Variants in CAPRIN1 observed in about 807,000 individuals in gnomAD.
CAPRIN1 encodes the protein caprin-1.
CAPRIN1 carries 29 observed loss-of-function variants against 100.9 expected under a neutral mutation model. The ratio of observed to expected loss-of-function variants is 0.29; its 90% CI spans 0.21 to 0.39. The LOEUF is 0.39. CAPRIN1 is among the 10% of genes least tolerant of loss of function. The pLI, the probability that CAPRIN1 is intolerant of heterozygous loss-of-function variation, is 1.00. For missense variants in CAPRIN1, 795 were observed against 876.7 expected (o/e 0.91, Z 1.18); for synonymous variants, 338 against 307.5 (o/e 1.10, Z -1.04).
intron 12 of CAPRIN1, 56 bp downstream of exon 12, chr11:34,089,512 A>G: frequency 1.0e-6 from 1 of 960,678 alleles, no homozygotes; most frequent in Non-Finnish European, 1.6e-6. Flanking sequence ...CGTACCTATA[A>G]TCCTAGTACT....
At chr11:34,094,380 C>T (rs1028445461) in intron 15 of CAPRIN1, among the ~76,000 whole-genome samples, 4 of 152,062 alleles carry the variant, frequency 2.6e-5, no homozygotes, top group African/African-American at 7.2e-5. Flanking sequence ...GAAATCATTT[C>T]AGTATGTCCC....
intron 2 of CAPRIN1, chr11:34,055,906 A>G (rs927282781): frequency 2.6e-5 from 4 of 152,194 alleles, no homozygotes; most frequent in Non-Finnish European, 5.9e-5. Flanking sequence ...TATTAAAACT[A>G]TATCTTTTGC....
Position 34,102,128 on chromosome 11 carries a change from C to T in CAPRIN1, c.*2761C>T, listed in dbSNP as rs1300594572. Among the ~76,000 whole-genome samples the T allele has an allele frequency of 6.6e-6, 1 of 152,000 alleles. No individual in the cohort carries two copies. The highest frequency in any genetic ancestry group is 2.4e-5 in the African/African-American group (1 of 41,380). On this transcript the variant is annotated 3_prime_UTR_variant, in exon 19 of 19. Coordinates refer to ENST00000341394, the MANE Select transcript of CAPRIN1 (RefSeq NM_005898.5). ...TTAGCTTCTACAGTTCTTTTGTCTC[C>T]TTTTATATGCAGCTCTTACGTGGGA...
chr11:34,052,944 T>C lies in CAPRIN1; in HGVS notation c.216+308T>C, dbSNP rs1850359761. Reference sequence around the variant, plus strand: ...AGTGGGACATGTGAGGGTGGGGGCCTGTCGTCAGGACTTCACTGTATGGTG... The same window carrying C: ...AGTGGGACATGTGAGGGTGGGGGCCCGTCGTCAGGACTTCACTGTATGGTG... On this transcript the variant is annotated intron_variant, in intron 2 of 18. Coordinates refer to ENST00000341394, the MANE Select transcript of CAPRIN1 (RefSeq NM_005898.5). The C allele has an allele frequency of 3.3e-6, 4 of 1,216,984 alleles. No individual in the cohort carries two copies. The Admixed American group carries it at 1.3e-4, about 39-fold the overall frequency. The allele number at this position is 1,216,984 out of a possible 1,614,324, so 75.4% of individuals were successfully genotyped here. A position where few individuals can be genotyped will look rare whatever the true frequency, so the allele number is the denominator to read the frequency against.
intron 2 of CAPRIN1, among the ~76,000 whole-genome samples, chr11:34,067,259 A>C (rs1166459119): frequency 2.6e-5 from 4 of 151,842 alleles, no homozygotes; most frequent in African/African-American, 4.8e-5. Context: ...CATTTTTTTG[A>C]CTGGGCAATT....
chr11:34,096,286 C>T, intron 15 of CAPRIN1, 193 bp from the exon 16 acceptor site: 1 of 464,872 alleles, frequency 2.2e-6, no homozygotes, highest in Non-Finnish European at 3.8e-6. Context: ...ATTTTACCCC[C>T]AATAGCTGAG....
At chr11:34,076,150 A>G (rs1304004953) in intron 4 of CAPRIN1, 86 bp from the exon 5 acceptor site, 3 of 873,944 alleles carry the variant, frequency 3.4e-6, no homozygotes, top group Non-Finnish European at 5.5e-6. Flanking sequence ...TGAGTAAAAC[A>G]TGTTTTATTT....
chr11:34,066,854 C>G (rs2134097381), intron 2 of CAPRIN1, among the ~76,000 whole-genome samples: 1 of 146,964 alleles, frequency 6.8e-6, no homozygotes, highest in South Asian at 2.2e-4. Context: ...GGCTGGTCTC[C>G]AGCTCTTGAC....
At chr11:34,091,832 C>A in intron 14 of CAPRIN1, 74 bp from the exon 15 acceptor site, 1 of 1,365,012 alleles carries the variant, frequency 7.3e-7, no homozygotes, top group Non-Finnish European at 1.0e-6. Flanking sequence ...GAGGTAAAAC[C>A]ACCATTGAGT....
At chr11:34,094,530 G>T (rs961170716) in intron 15 of CAPRIN1, among the ~76,000 whole-genome samples, 1 of 149,726 alleles carries the variant, frequency 6.7e-6, no homozygotes, top group Non-Finnish European at 1.5e-5. Flanking sequence ...TAAAATGAAG[G>T]CTGGGTGTGG....
At chr11:34,054,764 T>G (rs1850412850) in intron 2 of CAPRIN1, among the ~76,000 whole-genome samples, 1 of 152,226 alleles carries the variant, frequency 6.6e-6, no homozygotes, top group Non-Finnish European at 1.5e-5. Context: ...CCTGCTGATC[T>G]GGCTGCTACT....
chr11:34,092,925 T>C (rs1055163854), intron 15 of CAPRIN1, among the ~76,000 whole-genome samples: 2 of 151,858 alleles, frequency 1.3e-5, no homozygotes, highest in Non-Finnish European at 2.9e-5. Context: ...CCAGCATAAC[T>C]CACTGCAGCC....
intron 1 of CAPRIN1, 91 bp from the exon 2 acceptor site, chr11:34,052,330 C>T: frequency 1.9e-6 from 2 of 1,055,100 alleles, no homozygotes; most frequent in Non-Finnish European, 2.8e-6. Context: ...GCTCGCTGCG[C>T]GTTTTGTCCC....
rs79102077 is a variant in CAPRIN1 at position 34,096,590 on chromosome 11, A to G, written c.1817A>G (p.Asn606Ser). Residue 606 changes from asparagine to serine, a missense_variant, in exon 16 of 19, where the codon AAT becomes AGT. This residue lies in a region of CAPRIN1 where 648 missense variants were observed against 697.9 expected (regional missense o/e 0.93). Transcript: ENST00000341394. ...GFPRSNQPYYNSRGVSRGGSR... is the reference protein window; with the variant it reads ...GFPRSNQPYYSSRGVSRGGSR... ...CCACGTAGCAATCAGCCCTATTACAATAGTCGTGGTGTGTCTCGTGGAGGC... is the reference window on the plus strand; with the variant it reads ...CCACGTAGCAATCAGCCCTATTACAGTAGTCGTGGTGTGTCTCGTGGAGGC... The G allele has an allele frequency of 5.3e-4, 862 of 1,614,046 alleles. 8 individuals are homozygous for G. The East Asian group carries it at 0.017, about 33-fold the overall frequency.
At position 34,071,894 on chromosome 11, in the gene CAPRIN1, A is replaced by C; in HGVS notation, c.280-7A>C. On this transcript the variant is annotated splice_region_variant and splice_polypyrimidine_tract_variant and intron_variant, in intron 3 of 18. Coordinates refer to ENST00000341394, the MANE Select transcript of CAPRIN1 (RefSeq NM_005898.5). The stretch of plus-strand genomic sequence containing the variant: ...TCCAGTAAAGTTTGGGTTCTTTGTC[A>C]TTTTAGGATGCCGTTTCTAAGTACC... 1 of 1,611,122 alleles carries C rather than the reference A, an allele frequency of 6.2e-7. No individual in the cohort carries two copies. Among genetic ancestry groups the C allele is most frequent in the Non-Finnish European group, 8.5e-7 (1 of 1,178,232 alleles).
intron 13 of CAPRIN1, 96 bp downstream of exon 13, chr11:34,090,385 G>A (rs751240310): frequency 1.5e-5 from 19 of 1,245,716 alleles, no homozygotes; most frequent in Non-Finnish European, 1.8e-5. Context: ...TCTTCTTTTT[G>A]GACCTACTTT....
chr11:34,057,678 A>G (rs1297313851), intron 2 of CAPRIN1, among the ~76,000 whole-genome samples: 2 of 152,182 alleles, frequency 1.3e-5, no homozygotes, highest in Non-Finnish European at 2.9e-5. Context: ...TGTCATAGCT[A>G]TAATCTTACA....
At chr11:34,063,068 G>C (rs968810850) in intron 2 of CAPRIN1, 6 of 152,100 alleles carry the variant, frequency 3.9e-5, no homozygotes, top group Admixed American at 1.3e-4. Context: ...AGCCCAGGAG[G>C]ACATCTATCA....
At chr11:34,072,230 C>T (rs1384097144) in intron 4 of CAPRIN1, among the ~76,000 whole-genome samples, 1 of 150,584 alleles carries the variant, frequency 6.6e-6, no homozygotes, top group African/African-American at 2.4e-5. Flanking sequence ...AGGTTGAGGC[C>T]AAGAGTTCAT....
Sources: gnomAD v4.1 joint callset for allele counts (sites outside exome capture counted in the v4.1 genomes callset) on GRCh38, gnomAD v4.1.1 for gene constraint, gnomAD v4.1.1 regional missense constraint, MANE v1.5 for transcripts, NCBI Gene and HGNC (gene_info 2026-07-23, HGNC 2026-07-21) for gene names.